Variants in NBPF12 observed in about 807,000 individuals in gnomAD.
NBPF12 encodes the protein NBPF family member NBPF12.
Under a neutral mutation model 146.4 loss-of-function variants are expected in NBPF12, and 115 were observed. The ratio of observed to expected loss-of-function variants is 0.79; its 90% CI spans 0.68 to 0.92. The LOEUF is 0.92. Among genes scored for constraint, NBPF12 ranks in the 40% least tolerant of loss-of-function variants. The pLI, the probability that NBPF12 is intolerant of heterozygous loss-of-function variation, is 0.00. For missense variants in NBPF12, 1,205 were observed against 1,326.8 expected (o/e 0.91, Z 1.43); for synonymous variants, 385 against 508.9 (o/e 0.76, Z 3.28).
At chr1:146,969,910 G>A (rs1553886133) in intron 11 of NBPF12, among the ~76,000 whole-genome samples, 26,239 of 150,600 alleles carry the variant, frequency 0.17, 2,966 homozygotes, top group Admixed American at 0.29. Context: ...AGAGCTCTGG[G>A]CTAAGAATGA....
chr1:146,945,325 A>G (rs1454715045), upstream of NBPF12, among the ~76,000 whole-genome samples: 2 of 150,816 alleles, frequency 1.3e-5, no homozygotes, highest in Non-Finnish European at 2.9e-5. Flanking sequence ...TGTGGGTGCC[A>G]CTGGGGCAGC....
At chr1:146,938,649 G>C (rs1332564539), upstream of NBPF12, 1 of 151,502 alleles carries the variant, frequency 6.6e-6, no homozygotes. Flanking sequence ...CCTTTTCTCC[G>C]CCCGCGGCCC....
At chr1:146,939,665 G>A (rs1273869464) in intron 1 of NBPF12, among the ~76,000 whole-genome samples, 1 of 151,890 alleles carries the variant, frequency 6.6e-6, no homozygotes, top group African/African-American at 2.4e-5. Context: ...TCACCCAAGA[G>A]TTAACCAAGC....
At chr1:146,974,420 G>A (rs1656858725) in intron 14 of NBPF12, among the ~76,000 whole-genome samples, 2 of 136,428 alleles carry the variant, frequency 1.5e-5, no homozygotes, top group Admixed American at 1.6e-4. Flanking sequence ...AGGAGAGGCT[G>A]CAAGTCTTGG....
chr1:146,946,512 C>CTTTTTTTTTTTT (rs3071268), upstream of NBPF12, among the ~76,000 whole-genome samples: 2 of 41,044 alleles, frequency 4.9e-5, no homozygotes, highest in African/African-American at 1.0e-4. Context: ...GATCTTTCAC[C>CTTTTTTTTTTTT]TTTTTTTTTT....
chr1:146,969,811 A>G, intron 11 of NBPF12, among the ~76,000 whole-genome samples: 1 of 151,048 alleles, frequency 6.6e-6, no homozygotes, highest in Admixed American at 6.6e-5. Context: ...TCCTTGATGG[A>G]AGGTGGTCTT....
Position 146,966,675 on chromosome 1 carries a change from T to C in NBPF12, c.988+2T>C. 7.6e-7 allele frequency: 1 copy of C among 1,318,968 alleles called. No homozygotes were observed. The highest frequency in any genetic ancestry group is 1.1e-6 in the Non-Finnish European group (1 of 913,302). 81.7% of individuals were successfully genotyped at this position (1,318,968 alleles called of 1,614,324 possible). The stretch of plus-strand genomic sequence containing the variant: ...TGGCCAAGCAGCAGAACAAATACAG[T>C]AAGATCTACAGGCTCACCATCACGA... On this transcript the variant is annotated splice_donor_variant, in intron 9 of 33. Transcript: ENST00000617844. LOFTEE classifies it high-confidence loss of function.
At chr1:146,972,904 A>T in exon 14 of NBPF12, 1 of 1,047,230 alleles carries the variant, frequency 9.5e-7, no homozygotes, top group Non-Finnish European at 1.5e-6. Context: ...AGCCTCAAAG[A>T]GAAATGTTTT....
At chr1:146,973,940 G>T (rs1656824376) in intron 14 of NBPF12, among the ~76,000 whole-genome samples, 1 of 150,770 alleles carries the variant, frequency 6.6e-6, no homozygotes, top group African/African-American at 2.5e-5. Context: ...AGTGTACAGA[G>T]CAGGGACCAT....
At position 146,963,825 on chromosome 1, in the gene NBPF12, A is replaced by G. The variant is rs1342248461; in HGVS notation, c.493+516A>G. 8.9e-5 allele frequency among the ~76,000 whole-genome samples: 13 copies of G among 145,658 alleles called. No homozygotes were observed. In the South Asian group the frequency reaches 2.3e-3, roughly 26 times the overall value. On this transcript the variant is annotated intron_variant, in intron 6 of 33. Transcript: ENST00000617844. Reference sequence around the variant, plus strand: ...GAAGCCCCTCTCCATGTGGTGTTGGAGAAGGCACTTGATGTGGGGGCATTT... The same window carrying G: ...GAAGCCCCTCTCCATGTGGTGTTGGGGAAGGCACTTGATGTGGGGGCATTT...
exon 9 of NBPF12, chr1:146,966,508 T>G: frequency 6.8e-7 from 1 of 1,473,048 alleles, no homozygotes; most frequent in Non-Finnish European, 9.5e-7. Flanking sequence ...CATGGTGGTA[T>G]CAGCCGGCCC....
intron 11 of NBPF12, among the ~76,000 whole-genome samples, chr1:146,970,406 A>T (rs1168388913): frequency 6.6e-6 from 1 of 150,922 alleles, no homozygotes; most frequent in Non-Finnish European, 1.5e-5. Flanking sequence ...CTCCAGTGAT[A>T]TGGGAAGCAA....
chr1:146,963,673 GGTGA>G (rs1260152646), intron 6 of NBPF12, among the ~76,000 whole-genome samples: 1 of 151,724 alleles, frequency 6.6e-6, no homozygotes, highest in Admixed American at 6.6e-5. Context: ...TCTTAGTGTC[GGTGA>G]GTGAGTGATT....
At chr1:146,956,067 C>T (rs1382609140) in intron 2 of NBPF12, among the ~76,000 whole-genome samples, 1 of 151,668 alleles carries the variant, frequency 6.6e-6, no homozygotes, top group Non-Finnish European at 1.5e-5. Flanking sequence ...TTAGTGAGAC[C>T]TGGCCTGCTA....
chr1:146,967,281 G>C (rs1202265646), intron 9 of NBPF12, among the ~76,000 whole-genome samples: 3 of 150,720 alleles, frequency 2.0e-5, no homozygotes, highest in African/African-American at 5.0e-5. Flanking sequence ...GGCGAGTAGA[G>C]CACGAGGTCA....
At chr1:146,980,330 G>A (rs1657293515) in intron 19 of NBPF12, among the ~76,000 whole-genome samples, 1 of 152,058 alleles carries the variant, frequency 6.6e-6, no homozygotes, top group Non-Finnish European at 1.5e-5. Context: ...GGTTAATATT[G>A]TTATGTGTGA....
At chr1:146,945,815 GTT>G, upstream of NBPF12, among the ~76,000 whole-genome samples, 1 of 152,140 alleles carries the variant, frequency 6.6e-6, no homozygotes, top group Non-Finnish European at 1.5e-5. Context: ...AAAGTCCATA[GTT>G]TACGTTAGAG....
upstream of NBPF12, among the ~76,000 whole-genome samples, chr1:146,945,839 A>C (rs1655032422): frequency 1.7e-4 from 26 of 152,148 alleles, 2 homozygotes; most frequent in South Asian, 5.0e-3. Flanking sequence ...TCATTCTTTG[A>C]GTTTCACAGA....
intron 1 of NBPF12, among the ~76,000 whole-genome samples, chr1:146,942,514 A>C (rs1274281553): frequency 2.5e-4 from 38 of 151,646 alleles, no homozygotes; most frequent in Non-Finnish European, 1.5e-5. Flanking sequence ...TATTGAATAA[A>C]TATTTGTTAA....
Sources: allele counts gnomAD v4.1 joint callset (sites outside exome capture counted in the v4.1 genomes callset), GRCh38; gene constraint gnomAD v4.1.1; transcripts MANE v1.5; gene names NCBI Gene and HGNC (gene_info 2026-07-23, HGNC 2026-07-21).